BABAM2: variants seen among roughly 807,000 people sequenced by gnomAD.
BABAM2 encodes BRISC and BRCA1-A complex member 2.
Under a neutral mutation model 54.7 loss-of-function variants are expected in BABAM2, and 31 were observed. The ratio of observed to expected loss-of-function variants is 0.57; its 90% confidence interval spans 0.43 to 0.77. The LOEUF is 0.77. Among genes scored for constraint, BABAM2 ranks in the 30% least tolerant of loss-of-function variants. The pLI, the probability that BABAM2 is intolerant of heterozygous loss-of-function variation, is 0.00. For missense variants in BABAM2, 364 were observed against 455.8 expected (o/e 0.80, Z 1.83); for synonymous variants, 167 against 162.9 (o/e 1.03, Z -0.19).
chr2:28,283,958 G>A lies in BABAM2; in HGVS notation c.935-14380G>A, dbSNP rs116613224. Among the ~76,000 whole-genome samples the A allele has an allele frequency of 7.2e-3, 1,103 of 152,326 alleles. 9 individuals are homozygous for A. The highest frequency in any genetic ancestry group is 0.025 in the African/African-American group (1,045 of 41,576). ...AGCTGTCAGAAATGGTTTACTGACT[G>A]TGAATATGCATGCTTTTCTTCGGAT... On this transcript the variant is annotated intron_variant, in intron 10 of 11. Coordinates refer to ENST00000379624, the MANE Select transcript of BABAM2 (RefSeq NM_199191.3).
intron 10 of BABAM2, among the ~76,000 whole-genome samples, chr2:28,246,491 G>C (rs763518594): frequency 6.6e-6 from 1 of 152,122 alleles, no homozygotes; most frequent in African/African-American, 2.4e-5. Context: ...TCCTAACCCA[G>C]CTCAAGAGGG....
intron 7 of BABAM2, among the ~76,000 whole-genome samples, chr2:28,145,511 T>C (rs1047377565): frequency 6.6e-6 from 1 of 152,222 alleles, no homozygotes; most frequent in Admixed American, 6.5e-5. Flanking sequence ...CATTCTGTCA[T>C]TCTTTCCCTT....
At chr2:28,015,665 G>C in intron 4 of BABAM2, 1 of 760,306 alleles carries the variant, frequency 1.3e-6, no homozygotes, top group Non-Finnish European at 1.8e-6. Flanking sequence ...ATGCATTTTA[G>C]TAAATATGTT....
At chr2:27,959,626 C>T (rs1483383139) in intron 3 of BABAM2, among the ~76,000 whole-genome samples, 2 of 152,044 alleles carry the variant, frequency 1.3e-5, no homozygotes, top group African/African-American at 4.8e-5. Context: ...TCTTTCTCTA[C>T]TTCTTCCCTG....
At chr2:28,070,151 C>G (rs116084685) in intron 6 of BABAM2, among the ~76,000 whole-genome samples, 1 of 152,210 alleles carries the variant, frequency 6.6e-6, no homozygotes, top group African/African-American at 2.4e-5. Flanking sequence ...CCTACTCAGG[C>G]ACAGTTTCAA....
At chr2:28,137,552 T>G (rs138002053) in intron 7 of BABAM2, among the ~76,000 whole-genome samples, 1 of 152,330 alleles carries the variant, frequency 6.6e-6, no homozygotes, top group East Asian at 1.9e-4. Context: ...GATCAAGAGC[T>G]CAGCCTTTGC....
intron 11 of BABAM2, among the ~76,000 whole-genome samples, chr2:28,335,305 GACT>G (rs1213433227): frequency 1.3e-5 from 2 of 151,922 alleles, no homozygotes; most frequent in Non-Finnish European, 2.9e-5. Context: ...AAGTAGCTGG[GACT>G]ACAAGCGCCC....
At chr2:28,224,530 G>A (rs548038988) in intron 7 of BABAM2, among the ~76,000 whole-genome samples, 14 of 152,118 alleles carry the variant, frequency 9.2e-5, no homozygotes, top group South Asian at 2.1e-4. Context: ...GGGATGCTTC[G>A]TACTTCAGTT....
chr2:28,211,462 A>G (rs1187834520), intron 7 of BABAM2, among the ~76,000 whole-genome samples: 3 of 129,406 alleles, frequency 2.3e-5, no homozygotes, highest in African/African-American at 5.8e-5. Flanking sequence ...ATCTCGGCGC[A>G]CTGCAACTTC....
chr2:27,968,543 CG>C (rs1458191194), intron 3 of BABAM2, among the ~76,000 whole-genome samples: 4 of 152,162 alleles, frequency 2.6e-5, no homozygotes, highest in Non-Finnish European at 5.9e-5. Context: ...ACTGGGGCAC[CG>C]CCTAGTGGAG....
At chr2:28,012,275 C>A (rs1674454684) in intron 4 of BABAM2, among the ~76,000 whole-genome samples, 1 of 152,172 alleles carries the variant, frequency 6.6e-6, no homozygotes, top group African/African-American at 2.4e-5. Flanking sequence ...ATCATATTTG[C>A]TAATTCCCTT....
chr2:27,985,098 T>TGTGTAG (rs1672309621), intron 3 of BABAM2, among the ~76,000 whole-genome samples: 1 of 150,680 alleles, frequency 6.6e-6, no homozygotes, highest in Admixed American at 6.6e-5. Flanking sequence ...TGTGTGTGTG[T>TGTGTAG]AGCTACGATT....
chr2:28,026,475 C>T (rs1675673677), intron 5 of BABAM2, among the ~76,000 whole-genome samples: 3 of 151,602 alleles, frequency 2.0e-5, no homozygotes, highest in Admixed American at 6.6e-5. Flanking sequence ...AGCAAACTAA[C>T]ACAGGAACAG....
At chr2:28,132,758 T>C (rs1234123179) in intron 7 of BABAM2, among the ~76,000 whole-genome samples, 1 of 152,180 alleles carries the variant, frequency 6.6e-6, no homozygotes, top group Non-Finnish European at 1.5e-5. Flanking sequence ...TATATTAATC[T>C]TATAATCTAT....
chr2:28,151,370 C>G (rs908993818), intron 7 of BABAM2, among the ~76,000 whole-genome samples: 3 of 152,056 alleles, frequency 2.0e-5, no homozygotes, highest in Admixed American at 2.0e-4. Context: ...GTCAGGAGTT[C>G]GAGAGCAGCC....
chr2:28,132,264 G>A (rs1404752469), intron 7 of BABAM2, among the ~76,000 whole-genome samples: 2 of 151,170 alleles, frequency 1.3e-5, no homozygotes, highest in Admixed American at 6.6e-5. Flanking sequence ...TCAGCCTCCC[G>A]AGTAGCTGGG....
intron 4 of BABAM2, among the ~76,000 whole-genome samples, chr2:28,023,797 G>C (rs1372101290): frequency 6.6e-6 from 1 of 152,034 alleles, no homozygotes; most frequent in Non-Finnish European, 1.5e-5. Context: ...GTTTTCTTTT[G>C]GTAGAAGCTA....
chr2:27,926,150 T>G (rs979865659), intron 2 of BABAM2, among the ~76,000 whole-genome samples: 1 of 152,056 alleles, frequency 6.6e-6, no homozygotes, highest in Non-Finnish European at 1.5e-5. Context: ...TAGATGTTTT[T>G]ACTCTTCTGC....
At chr2:28,226,941 A>G (rs1680944266) in intron 7 of BABAM2, among the ~76,000 whole-genome samples, 1 of 152,130 alleles carries the variant, frequency 6.6e-6, no homozygotes, top group Non-Finnish European at 1.5e-5. Context: ...CTGGGAACCA[A>G]GAGATAGAAG....
Sources: allele counts gnomAD v4.1 joint callset (sites outside exome capture counted in the v4.1 genomes callset), GRCh38; gene constraint gnomAD v4.1.1; transcripts MANE v1.5; gene names NCBI Gene and HGNC (gene_info 2026-07-23, HGNC 2026-07-21).